The following SEC23IP variants were observed in gnomAD, a reference collection of about 807,000 sequenced individuals.
SEC23IP encodes the protein SEC23-interacting protein.
In SEC23IP, 70 loss-of-function variants were observed where a neutral mutation model predicts 113.4. The observed-to-expected ratio is 0.62, with a 90% CI of 0.51 to 0.75. SEC23IP has a LOEUF of 0.75. Ranked by LOEUF, SEC23IP falls within the 30% of genes least tolerant of loss-of-function variation. The pLI, the probability that SEC23IP is intolerant of heterozygous loss-of-function variation, is 0.00. For missense variants in SEC23IP, 1,160 were observed against 1,204.9 expected (o/e 0.96, Z 0.55); for synonymous variants, 398 against 421.0 (o/e 0.95, Z 0.67).
intron 6 of SEC23IP, chr10:119,914,410 T>G (rs766822593): frequency 2.5e-4 from 75 of 298,970 alleles, no homozygotes; most frequent in Admixed American, 5.2e-4. Flanking sequence ...CCACTGGGGC[T>G]TAGTGTCCTG....
At chr10:119,912,684 A>G (rs1214153082) in intron 6 of SEC23IP, among the ~76,000 whole-genome samples, 2 of 140,138 alleles carry the variant, frequency 1.4e-5, no homozygotes, top group African/African-American at 5.4e-5. Flanking sequence ...TCTGTTGGCC[A>G]GGCTGGAGTA....
chr10:119,929,054 G>T (rs1038127745), intron 13 of SEC23IP, among the ~76,000 whole-genome samples: 1 of 152,194 alleles, frequency 6.6e-6, no homozygotes. Context: ...GTCACACAGT[G>T]AATGAAACCA....
chr10:119,893,005 A>C (rs1854143571), intron 1 of SEC23IP, 60 bp downstream of exon 1: 1 of 1,553,448 alleles, frequency 6.4e-7, no homozygotes, highest in East Asian at 2.3e-5. Context: ...GTGCAATGAC[A>C]AAGGTCAGAC....
chr10:119,925,124 A>G (rs1386372144), intron 12 of SEC23IP, among the ~76,000 whole-genome samples: 1 of 152,164 alleles, frequency 6.6e-6, no homozygotes, highest in African/African-American at 2.4e-5. Flanking sequence ...GATTGTATGC[A>G]CTTGTGTCGT....
intron 4 of SEC23IP, among the ~76,000 whole-genome samples, chr10:119,908,527 G>C (rs547561190): frequency 3.1e-4 from 47 of 152,276 alleles, no homozygotes; most frequent in African/African-American, 1.1e-3. Flanking sequence ...TATAACTTGT[G>C]ATGTGAAGAC....
intron 6 of SEC23IP, among the ~76,000 whole-genome samples, chr10:119,912,914 T>C (rs1854915374): frequency 6.6e-6 from 1 of 152,228 alleles, no homozygotes; most frequent in South Asian, 2.1e-4. Flanking sequence ...GTGCTGGGAT[T>C]ATAGGTGTGA....
At chr10:119,926,770 A>G (rs565206023) in intron 13 of SEC23IP, among the ~76,000 whole-genome samples, 5 of 152,368 alleles carry the variant, frequency 3.3e-5, no homozygotes, top group East Asian at 1.9e-4. Context: ...ATGCATTTCC[A>G]TAAGTAAGTT....
chr10:119,935,546 C>T (rs532171662), intron 18 of SEC23IP, among the ~76,000 whole-genome samples: 1 of 152,274 alleles, frequency 6.6e-6, no homozygotes, highest in African/African-American at 2.4e-5. Context: ...TCTATCCATC[C>T]ATTCATCCAT....
At chr10:119,894,942 T>G (rs1268582813) in intron 1 of SEC23IP, among the ~76,000 whole-genome samples, 1 of 148,562 alleles carries the variant, frequency 6.7e-6, no homozygotes, top group Non-Finnish European at 1.5e-5. Context: ...GTGTGAATAT[T>G]AATAATTTTA....
intron 8 of SEC23IP, among the ~76,000 whole-genome samples, chr10:119,916,563 C>A (rs971393924): frequency 6.6e-6 from 1 of 152,112 alleles, no homozygotes; most frequent in Non-Finnish European, 1.5e-5. Context: ...CTATGTTAGG[C>A]CCTATTGTAA....
At chr10:119,914,123 G>A (rs1447656143) in intron 6 of SEC23IP, among the ~76,000 whole-genome samples, 1 of 152,212 alleles carries the variant, frequency 6.6e-6, no homozygotes, top group Non-Finnish European at 1.5e-5. Context: ...TGGCGCCATT[G>A]CACTCTATCC....
At chr10:119,932,090 C>A in intron 15 of SEC23IP, 43 bp from the exon 16 acceptor site, 1 of 1,304,912 alleles carries the variant, frequency 7.7e-7, no homozygotes, top group African/African-American at 1.5e-5. Context: ...CAGAAGTTTA[C>A]CCAGTGACTA....
chr10:119,933,638 A>T, intron 17 of SEC23IP, 48 bp from the exon 18 acceptor site: 1 of 1,052,946 alleles, frequency 9.5e-7, no homozygotes, highest in Non-Finnish European at 1.5e-6. Context: ...CATAGAAGTT[A>T]ATTTCTTCTA....
chr10:119,927,908 G>C (rs12780763), intron 13 of SEC23IP, among the ~76,000 whole-genome samples: 8,417 of 152,250 alleles, frequency 0.055, 431 homozygotes, highest in South Asian at 0.27. Flanking sequence ...CAGTCCCTTC[G>C]CTGGGAGAGA....
At chr10:119,934,030 T>C (rs1423223783) in intron 18 of SEC23IP, among the ~76,000 whole-genome samples, 1 of 152,242 alleles carries the variant, frequency 6.6e-6, no homozygotes, top group East Asian at 1.9e-4. Flanking sequence ...CTTTTTAAAA[T>C]AGATTCCCAA....
At chr10:119,925,417 C>G (rs966880868) in intron 12 of SEC23IP, among the ~76,000 whole-genome samples, 3 of 152,178 alleles carry the variant, frequency 2.0e-5, no homozygotes, top group Non-Finnish European at 4.4e-5. Flanking sequence ...TTAGTTGTAA[C>G]TGTCTTGCTA....
chr10:119,940,003 A>G (rs1176244717), intron 18 of SEC23IP, among the ~76,000 whole-genome samples: 2 of 151,020 alleles, frequency 1.3e-5, no homozygotes, highest in African/African-American at 4.9e-5. Context: ...GGCCATAACT[A>G]ACTTTAAATT....
At chr10:119,899,014 C>T (rs1318756095) in intron 2 of SEC23IP, 55 bp downstream of exon 2, 2 of 1,379,018 alleles carry the variant, frequency 1.5e-6, no homozygotes, top group African/African-American at 1.4e-5. Flanking sequence ...TCTTTCTCAC[C>T]TGAACCTATG....
chr10:119,906,490 C>A (rs1475944259), intron 4 of SEC23IP, among the ~76,000 whole-genome samples: 1 of 149,894 alleles, frequency 6.7e-6, no homozygotes, highest in African/African-American at 2.5e-5. Flanking sequence ...ATAACCAAGA[C>A]CATTTCGACA....
Sources: allele counts gnomAD v4.1 joint callset (sites outside exome capture counted in the v4.1 genomes callset), GRCh38; gene constraint gnomAD v4.1.1; transcripts MANE v1.5; gene names NCBI Gene and HGNC (gene_info 2026-07-23, HGNC 2026-07-21).